RBFOX1: variants seen among roughly 807,000 people sequenced by gnomAD.
RBFOX1 encodes RNA binding fox-1 homolog 1.
A neutral mutation model predicts 57.7 loss-of-function variants in RBFOX1; 8 were observed. That is an observed-to-expected ratio of 0.14 (90% CI 0.08 to 0.25). The LOEUF (loss-of-function observed/expected upper bound fraction) is 0.25. Among genes scored for constraint, RBFOX1 ranks in the 10% least tolerant of loss-of-function variants. The pLI is 1.00. For missense variants in RBFOX1, 611 were observed against 548.5 expected (o/e 1.11, Z -1.14); for synonymous variants, 326 against 222.4 (o/e 1.47, Z -4.15).
chr16:7,040,972 A>T (rs184801226), intron 3 of RBFOX1, among the ~76,000 whole-genome samples: 1 of 151,554 alleles, frequency 6.6e-6, no homozygotes, highest in East Asian at 1.9e-4. Flanking sequence ...CTGGAGTGCA[A>T]TGATGCAATC....
At chr16:7,353,591 G>A (rs571716004) in intron 4 of RBFOX1, among the ~76,000 whole-genome samples, 23 of 152,292 alleles carry the variant, frequency 1.5e-4, no homozygotes, top group Middle Eastern at 3.4e-3. Flanking sequence ...GGATAAACAC[G>A]AGATGATATA....
At chr16:5,408,579 G>C (rs910136211) in intron 1 of RBFOX1, among the ~76,000 whole-genome samples, 2 of 152,164 alleles carry the variant, frequency 1.3e-5, no homozygotes, top group Non-Finnish European at 2.9e-5. Context: ...CCTGCTTCGG[G>C]TGTGTGGCTG....
At position 6,372,365 on chromosome 16, in the gene RBFOX1, G is replaced by A. The variant is rs1464643339; in HGVS notation, c.-64+55308G>A. 1.2e-4 allele frequency among the ~76,000 whole-genome samples: 18 copies of A among 148,734 alleles called. 1 individual carries two copies. In the East Asian group the frequency reaches 1.2e-3, roughly 10 times the overall value. On this transcript the variant is annotated intron_variant, in intron 2 of 15. Coordinates refer to ENST00000550418, the MANE Select transcript of RBFOX1 (RefSeq NM_018723.4). ...TGGAAGTATAGTCGGATGGAAGGAT[G>A]GTTGGTTAGGATCTTTGGGTAGGAG...
Position 7,373,535 on chromosome 16 carries a change from A to C in RBFOX1, c.28-144612A>C, listed in dbSNP as rs886468432. 2.6e-5 allele frequency among the ~76,000 whole-genome samples: 4 copies of C among 152,170 alleles called. No individual in the cohort carries two copies. The South Asian group carries it at 8.3e-4, about 32-fold the overall frequency. On this transcript the variant is annotated intron_variant, in intron 4 of 15. Coordinates refer to ENST00000550418, the MANE Select transcript of RBFOX1 (RefSeq NM_018723.4). ...TTGTAATAAATGCTGGACTGTGAAC[A>C]GGAGATGGCTAAAAGAGAGTGCCCG...
At chr16:7,488,570 T>A (rs994725799) in intron 4 of RBFOX1, among the ~76,000 whole-genome samples, 3 of 152,108 alleles carry the variant, frequency 2.0e-5, no homozygotes, top group Non-Finnish European at 4.4e-5. Flanking sequence ...CCATCATATG[T>A]TTATCCATTC....
At chr16:7,424,235 A>G (rs1228698139) in intron 4 of RBFOX1, among the ~76,000 whole-genome samples, 2 of 151,922 alleles carry the variant, frequency 1.3e-5, no homozygotes, top group Non-Finnish European at 2.9e-5. Flanking sequence ...TTATTTGTGT[A>G]ATTTACACTT....
At chr16:5,323,353 G>C (rs116172504) in intron 1 of RBFOX1, among the ~76,000 whole-genome samples, 3,980 of 152,218 alleles carry the variant, frequency 0.026, 192 homozygotes, top group African/African-American at 0.091. Flanking sequence ...GGCTGGTCAT[G>C]ATGACCCAAC....
At chr16:5,376,035 G>T (rs1267938874) in intron 1 of RBFOX1, among the ~76,000 whole-genome samples, 2 of 152,116 alleles carry the variant, frequency 1.3e-5, no homozygotes, top group South Asian at 2.1e-4. Context: ...GGGCTTGGTG[G>T]TGGGTGCCTG....
intron 12 of RBFOX1, among the ~76,000 whole-genome samples, chr16:7,660,876 C>T (rs547219773): frequency 6.6e-6 from 1 of 152,284 alleles, no homozygotes; most frequent in Middle Eastern, 3.4e-3. Context: ...TAAGAGTTTG[C>T]ACTGTGGAGC....
intron 5 of RBFOX1, chr16:7,519,697 G>A: frequency 5.1e-6 from 5 of 985,320 alleles, no homozygotes; most frequent in Non-Finnish European, 4.8e-6. Context: ...CTGTCGTCTG[G>A]AACATTTTTT....
At chr16:5,735,492 T>C (rs1315400507) in intron 3 of RBFOX1, among the ~76,000 whole-genome samples, 1 of 152,224 alleles carries the variant, frequency 6.6e-6, no homozygotes, top group Non-Finnish European at 1.5e-5. Context: ...TGCCCCACCC[T>C]TCAGTTCCTT....
chr16:6,006,265 G>A (rs531829565), intron 4 of RBFOX1, among the ~76,000 whole-genome samples: 37 of 152,228 alleles, frequency 2.4e-4, no homozygotes, highest in African/African-American at 8.4e-4. Flanking sequence ...AGATGTGGCT[G>A]GTCAGAGGGC....
At chr16:6,481,199 A>G (rs2095366401) in intron 2 of RBFOX1, among the ~76,000 whole-genome samples, 1 of 152,026 alleles carries the variant, frequency 6.6e-6, no homozygotes, top group East Asian at 1.9e-4. Flanking sequence ...TTCCTGTTTT[A>G]CTTATGGGGT....
chr16:6,536,713 C>A (rs780954064), intron 2 of RBFOX1, among the ~76,000 whole-genome samples: 1 of 151,800 alleles, frequency 6.6e-6, no homozygotes, highest in African/African-American at 2.4e-5. Context: ...TGTCTTAGAC[C>A]CAACAAGTCA....
chr16:5,840,367 C>T (rs753579831), intron 3 of RBFOX1, among the ~76,000 whole-genome samples: 1 of 152,160 alleles, frequency 6.6e-6, no homozygotes, highest in Non-Finnish European at 1.5e-5. Flanking sequence ...AGAGAGGCCA[C>T]CCCCTGTCCC....
At chr16:6,349,573 G>A (rs1341162774) in intron 2 of RBFOX1, among the ~76,000 whole-genome samples, 1 of 152,174 alleles carries the variant, frequency 6.6e-6, no homozygotes, top group Non-Finnish European at 1.5e-5. Flanking sequence ...AATTTGCATG[G>A]CTTACTAGGA....
intron 4 of RBFOX1, among the ~76,000 whole-genome samples, chr16:7,241,228 G>C (rs551398879): frequency 1.3e-5 from 2 of 152,118 alleles, no homozygotes; most frequent in Non-Finnish European, 2.9e-5. Context: ...ATCACACGGA[G>C]TTTTTATTCT....
At chr16:7,182,298 G>T (rs895288793) in intron 4 of RBFOX1, among the ~76,000 whole-genome samples, 3 of 151,964 alleles carry the variant, frequency 2.0e-5, no homozygotes, top group African/African-American at 4.8e-5. Flanking sequence ...GTTGAATTCC[G>T]AGAGTCACCT....
chr16:7,036,207 T>C (rs1286633986), intron 3 of RBFOX1, among the ~76,000 whole-genome samples: 1 of 151,806 alleles, frequency 6.6e-6, no homozygotes, highest in Non-Finnish European at 1.5e-5. Context: ...TTGACATTTT[T>C]TTTTTTTTCC....
Sources: allele counts gnomAD v4.1 joint callset (sites outside exome capture counted in the v4.1 genomes callset), GRCh38; gene constraint gnomAD v4.1.1; transcripts MANE v1.5; gene names NCBI Gene and HGNC (gene_info 2026-07-23, HGNC 2026-07-21).